The following INPP5J variants were observed in gnomAD, a reference collection of about 807,000 sequenced individuals.
The protein encoded by INPP5J is phosphatidylinositol 4,5-bisphosphate 5-phosphatase A.
A neutral mutation model predicts 86.6 loss-of-function variants in INPP5J; 75 were observed. The ratio of observed to expected loss-of-function variants is 0.87; its 90% CI spans 0.72 to 1.05. The LOEUF is 1.05. Among genes scored for constraint, INPP5J ranks in the 50% least tolerant of loss-of-function variants. The pLI is 0.00. For missense variants in INPP5J, 1,229 were observed against 1,341.2 expected (o/e 0.92, Z 1.31); for synonymous variants, 540 against 550.0 (o/e 0.98, Z 0.25).
rs774452946 is a variant in INPP5J at position 31,134,109 on chromosome 22, G to A, written c.2711G>A (p.Arg904His). 4.9e-5 allele frequency: 76 copies of A among 1,551,880 alleles called. No individual in the cohort carries two copies. Among genetic ancestry groups the A allele is most frequent in the East Asian group, 7.3e-5 (3 of 41,004 alleles). Residue 904 changes from arginine (R) to histidine (H), a missense_variant, in exon 13 of 13, where the codon CGT (arginine) becomes CAT (histidine). Physicochemically the swap from Arg to His is conservative, Grantham distance 29. Coordinates refer to ENST00000331075, the MANE Select transcript of INPP5J (RefSeq NM_001284285.2). ...FPGLALRPSSRERRGASRSPS... is the reference protein window; with the variant it reads ...FPGLALRPSSHERRGASRSPS... The stretch of plus-strand genomic sequence containing the variant: ...GGGCTTGCCCTACGGCCCTCATCCC[G>A]TGAACGCCGTGGTGCCAGCCGTAGC...
Position 31,134,160 on chromosome 22 carries a change from C to T in INPP5J, c.2762C>T (p.Ser921Phe), listed in dbSNP as rs1233800991. Residue 921 changes from serine (S) to phenylalanine (F), a missense_variant, in exon 13 of 13, where the codon TCC becomes TTC. Transcript: ENST00000331075. ...RSPSPQSRRL[S>F]RVAPDRSSNG... ...CCCTCACCCCAGAGCCGCCGCCTGTCCCGAGTGGCTCCTGACAGGAGCAGT... is the reference window on the plus strand; with the variant it reads ...CCCTCACCCCAGAGCCGCCGCCTGTTCCGAGTGGCTCCTGACAGGAGCAGT... The T allele has an allele frequency of 6.5e-7, 1 of 1,549,352 alleles. No individual in the cohort carries two copies. The highest frequency in any genetic ancestry group is 1.4e-5 in the African/African-American group (1 of 73,042).
rs772727827 is a variant in INPP5J at position 31,128,224 on chromosome 22, C to T, written c.1910C>T (p.Ala637Val). 1 of 1,594,518 alleles carries T rather than the reference C, an allele frequency of 6.3e-7. No homozygotes were observed. The highest frequency in any genetic ancestry group is 2.3e-5 in the East Asian group (1 of 44,016). The stretch of plus-strand genomic sequence containing the variant: ...CTGGACCCCCCACAGCTCAACATGG[C>T]CAAGAACACCTGGCCCATTCTGAAG... ...QLWEKDQLNM[A>V]KNTWPILKGF... The change falls in exon 8 of 13, where the codon GCC becomes GTC. Residue 637 changes from alanine to valine, a missense_variant. Physicochemically the swap from Ala to Val is moderately conservative, Grantham distance 64 (BLOSUM62 0). Coordinates refer to ENST00000331075, the MANE Select transcript of INPP5J (RefSeq NM_001284285.2).
At chr22:31,124,306 T>A in intron 1 of INPP5J, 1 of 987,846 alleles carries the variant, frequency 1.0e-6, no homozygotes, top group Non-Finnish European at 1.2e-6. Flanking sequence ...TTTGGATGTT[T>A]AGGGGGCGGT....
At chr22:31,132,616 G>A (rs1273957043) in intron 9 of INPP5J, among the ~76,000 whole-genome samples, 1 of 152,030 alleles carries the variant, frequency 6.6e-6, no homozygotes, top group African/African-American at 2.4e-5. Context: ...GGCGGTACCT[G>A]TGGTCTCAGC....
Position 31,128,568 on chromosome 22 carries a change from C to G in INPP5J, c.2107C>G (p.Leu703Val). Residue 703 changes from leucine to valine, a missense_variant, in exon 9 of 13, where the codon CTC becomes GTC. Coordinates refer to ENST00000331075, the MANE Select transcript of INPP5J (RefSeq NM_001284285.2). ...PSPSGRKSHR[L>V]QVTQHSYRSH... ...CCCCTCAGGACGGAAGAGCCACCGACTCCAGGTGACGCAGCACAGCTACCG... is the reference window on the plus strand; with the variant it reads ...CCCCTCAGGACGGAAGAGCCACCGAGTCCAGGTGACGCAGCACAGCTACCG... 6.2e-7 allele frequency: 1 copy of G among 1,613,386 alleles called. No homozygotes were observed. The highest frequency in any genetic ancestry group is 1.1e-5 in the South Asian group (1 of 91,066).
chr22:31,126,354 C>T lies in INPP5J; in HGVS notation c.1272-22C>T, dbSNP rs41296237. On this transcript the variant is annotated intron_variant, in intron 2 of 12. Transcript: ENST00000331075. ...TGAGGGAGTGGTGCCAGGACTACACCCTCATATGCCCCTGCCCTCAGGATC... is the reference window on the plus strand; with the variant it reads ...TGAGGGAGTGGTGCCAGGACTACACTCTCATATGCCCCTGCCCTCAGGATC... The T allele has an allele frequency of 6.4e-3, 10,164 of 1,575,866 alleles. 54 individuals are homozygous for T. The highest frequency in any genetic ancestry group is 8.5e-3 in the Middle Eastern group (51 of 5,984).
chr22:31,124,756 C>T (rs1921189776), intron 1 of INPP5J, 89 bp from the exon 2 acceptor site: 2 of 1,109,894 alleles, frequency 1.8e-6, no homozygotes, highest in Middle Eastern at 2.1e-4. Context: ...CCTTTCTTAG[C>T]TAGATGAACT....
chr22:31,129,259 A>AGACG lies in INPP5J; in HGVS notation c.2193+608_2193+611dup, dbSNP rs1426228912. 2.2e-3 allele frequency among the ~76,000 whole-genome samples: 115 copies of AGACG among 51,598 alleles called. 1 individual carries two copies. Among genetic ancestry groups the AGACG allele is most frequent in the South Asian group, 5.3e-3 (6 of 1,122 alleles). 33.9% of individuals were successfully genotyped at this position (51,598 alleles called of 152,430 possible). A position where few individuals can be genotyped will look rare whatever the true frequency, so the allele number is the denominator to read the frequency against. ...TTTTTTTTTTTTTTTTTTTTCTTTG[A>AGACG]GACGGAGTCTTGCTCAGCCGCCCCA... On this transcript the variant is annotated intron_variant, in intron 9 of 12. Transcript: ENST00000331075.
intron 6 of INPP5J, 198 bp downstream of exon 6, chr22:31,127,730 G>A (rs1285724374): frequency 4.4e-6 from 3 of 681,094 alleles, no homozygotes; most frequent in East Asian, 2.7e-5. Flanking sequence ...TTGCTGAGGG[G>A]CCCCGCCTTG....
chr22:31,128,014 G>T lies in INPP5J; in HGVS notation c.1851G>T (p.Lys617Asn). ...AGAGCTATGACCTGCACTTTGTCAA[G>T]TTTGCCATCGACAGTGACCAGCTCC... is the stretch of plus-strand genomic sequence containing the variant. ...RIESYDLHFV[K>N]FAIDSDQLHQ... Residue 617 changes from lysine (K) to asparagine (N), a missense_variant, in exon 7 of 13, where the codon AAG (lysine) becomes AAT (asparagine). Coordinates refer to ENST00000331075, the MANE Select transcript of INPP5J (RefSeq NM_001284285.2). 3 of 1,612,870 alleles carry T rather than the reference G, an allele frequency of 1.9e-6. No individual in the cohort carries two copies. Among genetic ancestry groups the T allele is most frequent in the East Asian group, 4.5e-5 (2 of 44,802 alleles).
At position 31,126,014 on chromosome 22, in the gene INPP5J, AG is replaced by A. The variant is rs1921377269; in HGVS notation, c.1271+9del. 1 of 1,555,016 alleles carries A rather than the reference AG, an allele frequency of 6.4e-7. No individual in the cohort carries two copies. On this transcript the variant is annotated splice_donor_5th_base_variant and intron_variant, in intron 2 of 12. Coordinates refer to ENST00000331075, the MANE Select transcript of INPP5J (RefSeq NM_001284285.2). Reference sequence around the variant, plus strand: ...GGAAGAGCGACCCCGGCTTCCGGTGAGGGGGCCCTCTCCCAAGAAAGGTGGC... The same window carrying A: ...GGAAGAGCGACCCCGGCTTCCGGTGAGGGGCCCTCTCCCAAGAAAGGTGGC...
chr22:31,128,573 G>A lies in INPP5J; in HGVS notation c.2112G>A (p.Gln704=), dbSNP rs759719786. The change falls in exon 9 of 13, where the codon CAG becomes CAA. Residue 704 remains glutamine (Q), a synonymous_variant. Coordinates refer to ENST00000331075, the MANE Select transcript of INPP5J (RefSeq NM_001284285.2). ...CAGGACGGAAGAGCCACCGACTCCA[G>A]GTGACGCAGCACAGCTACCGCAGCC... The part of the protein sequence containing the change: ...SPSGRKSHRL[Q]VTQHSYRSHM... 4 of 1,613,390 alleles carry A rather than the reference G, an allele frequency of 2.5e-6. No homozygotes were observed. The highest frequency in any genetic ancestry group is 1.1e-5 in the South Asian group (1 of 91,066).
intron 9 of INPP5J, among the ~76,000 whole-genome samples, chr22:31,130,583 G>T (rs973445557): frequency 2.0e-5 from 3 of 151,260 alleles, no homozygotes; most frequent in Admixed American, 6.6e-5. Context: ...ACAAAGAAAA[G>T]ATATAAAAAT....
chr22:31,131,899 G>GGGAA (rs1922094158), intron 9 of INPP5J, among the ~76,000 whole-genome samples: 1 of 152,178 alleles, frequency 6.6e-6, no homozygotes, highest in Non-Finnish European at 1.5e-5. Flanking sequence ...AGCTGAGGGA[G>GGGAA]GGAAACCTGA....
In INPP5J at chr22:31,126,715, C is replaced by A; in HGVS notation, c.1488C>A (p.Phe496Leu). 3.1e-6 allele frequency: 5 copies of A among 1,612,654 alleles called. No homozygotes were observed. Among genetic ancestry groups the A allele is most frequent in the Non-Finnish European group, 4.2e-6 (5 of 1,178,694 alleles). ...TGGATGCGCTAGGGCCCTTCAACTT[C>A]GTGCTGGTAACGCACCCCTCACCCC... The part of the protein sequence containing the change: ...LFMDALGPFN[F>L]VLVSSVRMQG... The change falls in exon 4 of 13, where the codon TTC becomes TTA. Residue 496 changes from phenylalanine to leucine, a missense_variant. Phe to Leu is a conservative substitution (Grantham distance 22, BLOSUM62 0). Transcript: ENST00000331075.
intron 10 of INPP5J, 59 bp downstream of exon 10, chr22:31,133,294 G>T: frequency 6.2e-7 from 1 of 1,601,750 alleles, no homozygotes; most frequent in South Asian, 1.1e-5. Flanking sequence ...AGGAGCAGCT[G>T]AACAGCATGG....
At chr22:31,126,042 G>A in intron 2 of INPP5J, 32 bp downstream of exon 2, 2 of 1,522,410 alleles carry the variant, frequency 1.3e-6, no homozygotes, top group Non-Finnish European at 1.8e-6. Flanking sequence ...AAAGGTGGCT[G>A]GGGCTTAGCT....
chr22:31,124,335 G>A (rs775023572), intron 1 of INPP5J: 17 of 987,262 alleles, frequency 1.7e-5, no homozygotes, highest in South Asian at 4.6e-5. Flanking sequence ...GAGGGTTTCT[G>A]GGCATTATGA....
chr22:31,126,351 C>T, intron 2 of INPP5J, 25 bp from the exon 3 acceptor site: 1 of 1,562,684 alleles, frequency 6.4e-7, no homozygotes, highest in Non-Finnish European at 8.8e-7. Context: ...GCCAGGACTA[C>T]ACCCTCATAT....
Sources: allele counts gnomAD v4.1 joint callset (sites outside exome capture counted in the v4.1 genomes callset), GRCh38; gene constraint gnomAD v4.1.1; transcripts MANE v1.5; gene names NCBI Gene and HGNC (gene_info 2026-07-23, HGNC 2026-07-21).